The following KIF20B variants were observed in gnomAD, a reference collection of about 807,000 sequenced individuals.
KIF20B encodes kinesin family member 20B.
Under a neutral mutation model 232.5 loss-of-function variants are expected in KIF20B, and 188 were observed. The observed-to-expected ratio is 0.81, with a 90% confidence interval of 0.72 to 0.91. The LOEUF is 0.91. Ranked by LOEUF, KIF20B falls within the 40% of genes least tolerant of loss-of-function variation. The pLI, the probability that KIF20B is intolerant of heterozygous loss-of-function variation, is 0.00. For synonymous variants in KIF20B, 712 were observed against 683.0 expected, an observed-to-expected ratio of 1.04 and a Z score of -0.66; for missense variants, 2,154 against 2,055.9, an observed-to-expected ratio of 1.05 and a Z score of -0.92.
At chr10:89,715,405 T>C (rs1842916520) in intron 8 of KIF20B, among the ~76,000 whole-genome samples, 1 of 152,170 alleles carries the variant, frequency 6.6e-6, no homozygotes. Flanking sequence ...GTATCATTAA[T>C]TGGATTTGTG....
chr10:89,709,614 A>G (rs1431610543), intron 4 of KIF20B, among the ~76,000 whole-genome samples, 153 bp downstream of exon 4: 1 of 152,030 alleles, frequency 6.6e-6, no homozygotes, highest in Admixed American at 6.5e-5. Flanking sequence ...CTGGAAATAT[A>G]TAATTGGATG....
At chr10:89,725,200 G>T (rs778637131) in intron 15 of KIF20B, 42 bp downstream of exon 15, 1 of 1,586,722 alleles carries the variant, frequency 6.3e-7, no homozygotes, top group African/African-American at 1.3e-5. Context: ...GTGAGGTTTT[G>T]GTACCAGGGT....
At chr10:89,738,919 ATG>A in intron 20 of KIF20B, 37 bp from the exon 21 acceptor site, 1 of 1,588,348 alleles carries the variant, frequency 6.3e-7, no homozygotes, top group Non-Finnish European at 8.5e-7. Context: ...TAAGCAGTTA[ATG>A]ATGCATTACC....
chr10:89,710,160 C>T, intron 5 of KIF20B, 95 bp downstream of exon 5: 1 of 1,105,946 alleles, frequency 9.0e-7, no homozygotes, highest in South Asian at 1.8e-5. Context: ...GTTGCTATTA[C>T]CTAGTATGCG....
chr10:89,715,220 T>C, intron 8 of KIF20B, 38 bp downstream of exon 8: 2 of 1,337,058 alleles, frequency 1.5e-6, no homozygotes, highest in Non-Finnish European at 2.1e-6. Context: ...TGCTCTGAAG[T>C]TCTCTTCCTG....
rs375233481 is a variant in KIF20B, at chr10:89,752,724, G to A, written c.4347+33G>A. The A allele has an allele frequency of 7.7e-6, 11 of 1,422,914 alleles. No individual in the cohort carries two copies. In the African/African-American group the frequency reaches 1.6e-4, roughly 21 times the overall value. 88.1% of individuals were successfully genotyped at this position (1,422,914 alleles called of 1,614,324 possible). On this transcript the variant is annotated intron_variant, in intron 25 of 32. Coordinates refer to ENST00000371728, the MANE Select transcript of KIF20B (RefSeq NM_001284259.2). ...TTTATGTATGTTTTTATGTATGAAT[G>A]TATCTGTCTTCATTATATTTCTAAT...
chr10:89,733,003 G>GA lies in KIF20B; in HGVS notation c.2497dup (p.Arg833LysfsTer4). On this transcript the variant is annotated frameshift_variant, in exon 19 of 33. Coordinates refer to ENST00000371728, the MANE Select transcript of KIF20B (RefSeq NM_001284259.2). LOFTEE classifies it high-confidence loss of function. The stretch of plus-strand genomic sequence containing the variant: ...AGCAAATCTAAAATCTGTTCAGAAA[G>GA]AAAAAGAGTAAATGAAAATGAACTT... 2 of 1,613,678 alleles carry GA rather than the reference G, an allele frequency of 1.2e-6. No homozygotes were observed. The highest frequency in any genetic ancestry group is 1.7e-6 in the Non-Finnish European group (2 of 1,179,752).
chr10:89,718,366 C>G (rs1483985684), intron 11 of KIF20B, among the ~76,000 whole-genome samples: 1 of 151,952 alleles, frequency 6.6e-6, no homozygotes, highest in Non-Finnish European at 1.5e-5. Flanking sequence ...AAAAAATTAA[C>G]CAGGTGTGGT....
chr10:89,756,095 C>G (rs1411452755), intron 26 of KIF20B, among the ~76,000 whole-genome samples: 2 of 152,082 alleles, frequency 1.3e-5, no homozygotes, highest in African/African-American at 4.8e-5. Flanking sequence ...GAAATCAAGC[C>G]CTTGGTTGAA....
intron 15 of KIF20B, 130 bp from the exon 16 acceptor site, chr10:89,726,163 A>G (rs920527211): frequency 3.3e-6 from 4 of 1,229,640 alleles, no homozygotes; most frequent in African/African-American, 3.1e-5. Context: ...TTGCTTCTAT[A>G]TAATTTATTT....
At chr10:89,720,988 T>A (rs1843043991) in intron 13 of KIF20B, among the ~76,000 whole-genome samples, 1 of 152,180 alleles carries the variant, frequency 6.6e-6, no homozygotes, top group Non-Finnish European at 1.5e-5. Context: ...ATTATAGGCA[T>A]GAGCCACCTT....
intron 21 of KIF20B, among the ~76,000 whole-genome samples, chr10:89,740,944 C>A (rs766354517): frequency 6.6e-6 from 1 of 152,170 alleles, no homozygotes; most frequent in Non-Finnish European, 1.5e-5. Context: ...TTGTGGAAGA[C>A]AATTTTTCCA....
At chr10:89,705,898 C>A (rs1842712932) in intron 2 of KIF20B, among the ~76,000 whole-genome samples, 1 of 152,170 alleles carries the variant, frequency 6.6e-6, no homozygotes, top group African/African-American at 2.4e-5. Flanking sequence ...GTCTGTTGTG[C>A]AGATATGCCA....
Position 89,762,838 on chromosome 10 carries a change from A to C in KIF20B, c.4989+3A>C, listed in dbSNP as rs118119243. 7.5e-5 allele frequency: 119 copies of C among 1,583,816 alleles called. No individual in the cohort carries two copies. Among genetic ancestry groups the C allele is most frequent in the Non-Finnish European group, 1.0e-4 (118 of 1,153,146 alleles). On this transcript the variant is annotated splice_donor_region_variant and intron_variant, in intron 29 of 32. Transcript: ENST00000371728. Reference sequence around the variant, plus strand: ...GGAAGAGTAATGAAATGGAGGAGGTAAATACTTAAGTGATGAGTAAATTTA... The same window carrying C: ...GGAAGAGTAATGAAATGGAGGAGGTCAATACTTAAGTGATGAGTAAATTTA...
chr10:89,723,711 ATTTTC>A (rs1457191972), intron 13 of KIF20B: 1 of 233,552 alleles, frequency 4.3e-6, no homozygotes, highest in African/African-American at 2.3e-5. Context: ...AACTTTACTT[ATTTTC>A]TTAGTATAGC....
intron 29 of KIF20B, 124 bp from the exon 30 acceptor site, chr10:89,768,166 T>G (rs1455214998): frequency 1.6e-6 from 1 of 638,536 alleles, no homozygotes. Context: ...GAGTTCAAAA[T>G]TGCCCTCGGT....
chr10:89,717,697 G>A lies in KIF20B; in HGVS notation c.1246G>A (p.Val416Ile), dbSNP rs149456198. The change falls in exon 11 of 33, where the codon GTC (valine) becomes ATC (isoleucine). Residue 416 changes from valine (V) to isoleucine (I), a missense_variant. Physicochemically the swap from Val to Ile is conservative, Grantham distance 29. Coordinates refer to ENST00000371728, the MANE Select transcript of KIF20B (RefSeq NM_001284259.2). ...SLLTLGKCIN[V>I]LKNSEKSKFQ... The stretch of plus-strand genomic sequence containing the variant: ...ATTGACTCTGGGAAAGTGTATTAAC[G>A]TCTTGAAGAATAGTGAAAAGTCAAA... 1.7e-4 allele frequency: 271 copies of A among 1,600,550 alleles called. No homozygotes were observed. Among genetic ancestry groups the A allele is most frequent in the East Asian group, 2.0e-4 (9 of 44,648 alleles).
chr10:89,726,543 T>A, intron 16 of KIF20B, 22 bp downstream of exon 16: 1 of 1,518,744 alleles, frequency 6.6e-7, no homozygotes, highest in South Asian at 1.3e-5. Context: ...CATTTTACTT[T>A]TATTTAGATA....
intron 23 of KIF20B, 56 bp downstream of exon 23, chr10:89,746,015 G>T: frequency 1.6e-6 from 2 of 1,251,702 alleles, no homozygotes; most frequent in Non-Finnish European, 2.3e-6. Context: ...TCCCCTCGCA[G>T]GGCATGCGAT....
Sources: gnomAD v4.1 joint callset for allele counts (sites outside exome capture counted in the v4.1 genomes callset) on GRCh38, gnomAD v4.1.1 for gene constraint, MANE v1.5 for transcripts, NCBI Gene and HGNC (gene_info 2026-07-23, HGNC 2026-07-21) for gene names.